ADGRG7: variants seen among roughly 807,000 people sequenced by gnomAD.
The protein encoded by ADGRG7 is adhesion G protein-coupled receptor G7, also known as G-protein coupled receptor 128.
Under a neutral mutation model 88.6 loss-of-function variants are expected in ADGRG7, and 82 were observed. The ratio of observed to expected loss-of-function variants is 0.93; its 90% confidence interval spans 0.77 to 1.11. The LOEUF is 1.11. ADGRG7 is among the 50% of genes most tolerant of loss of function. The probability of loss-of-function intolerance (pLI) is 0.00; values close to 1 mark genes in which losing one functional copy is unlikely to be tolerated. For synonymous variants in ADGRG7, 381 were observed against 345.2 expected, an observed-to-expected ratio of 1.10 and a Z score of -1.15; for missense variants, 945 against 953.4, an observed-to-expected ratio of 0.99 and a Z score of 0.12.
intron 1 of ADGRG7, among the ~76,000 whole-genome samples, chr3:100,625,793 G>T (rs779703781): frequency 6.6e-6 from 1 of 152,162 alleles, no homozygotes; most frequent in Non-Finnish European, 1.5e-5. Context: ...TGATCATGTG[G>T]TTTTTGTCAT....
intron 6 of ADGRG7, 76 bp downstream of exon 6, chr3:100,637,478 A>G (rs773549691): frequency 3.1e-6 from 3 of 962,298 alleles, no homozygotes; most frequent in Non-Finnish European, 3.3e-6. Flanking sequence ...ATTAACAGAG[A>G]TATCTTTATT....
intron 1 of ADGRG7, among the ~76,000 whole-genome samples, chr3:100,625,962 A>C (rs529956239): frequency 2.6e-4 from 40 of 152,260 alleles, no homozygotes; most frequent in Non-Finnish European, 5.0e-4. Flanking sequence ...ATCAGCCTGA[A>C]GTTTTCTTTT....
chr3:100,689,891 CT>C (rs1278998775), intron 15 of ADGRG7, among the ~76,000 whole-genome samples: 2 of 152,086 alleles, frequency 1.3e-5, no homozygotes, highest in Admixed American at 1.3e-4. Context: ...TTGTGGCGTT[CT>C]CTGTATTTCC....
intron 15 of ADGRG7, among the ~76,000 whole-genome samples, chr3:100,678,953 C>A (rs2094969236): frequency 6.6e-6 from 1 of 152,186 alleles, no homozygotes; most frequent in African/African-American, 2.4e-5. Flanking sequence ...GTGGTGACCA[C>A]TGTGTGGCTA....
intron 15 of ADGRG7, 33 bp downstream of exon 15, chr3:100,669,138 C>T (rs1199158413): frequency 2.7e-6 from 4 of 1,458,226 alleles, no homozygotes; most frequent in African/African-American, 1.4e-5. Context: ...AGTAGCAGAA[C>T]ACGCAGTGGT....
At chr3:100,692,055 C>T (rs904319345) in intron 15 of ADGRG7, among the ~76,000 whole-genome samples, 5 of 152,166 alleles carry the variant, frequency 3.3e-5, no homozygotes, top group East Asian at 1.9e-4. Flanking sequence ...GTCATGTTGG[C>T]TGTTTCTGGC....
intron 15 of ADGRG7, among the ~76,000 whole-genome samples, chr3:100,678,207 G>A (rs560539348): frequency 6.6e-6 from 1 of 151,984 alleles, no homozygotes; most frequent in African/African-American, 2.4e-5. Context: ...ATTCTGTTAA[G>A]AGACTCTGAT....
chr3:100,650,287 T>C (rs1360583640), intron 11 of ADGRG7, among the ~76,000 whole-genome samples: 1 of 152,202 alleles, frequency 6.6e-6, no homozygotes, highest in Non-Finnish European at 1.5e-5. Flanking sequence ...TAATGACCTA[T>C]AAACAAATAC....
At position 100,659,571 on chromosome 3, in the gene ADGRG7, G is replaced by T. The variant is rs182024609; in HGVS notation, c.1824-117G>T. Reference sequence around the variant, plus strand: ...CATCTCAAATGTGTAAAATGCAGAGGGATGTTAACTTTTAGCAGATCTTTC... The same window carrying T: ...CATCTCAAATGTGTAAAATGCAGAGTGATGTTAACTTTTAGCAGATCTTTC... On this transcript the variant is annotated intron_variant, in intron 13 of 15. Coordinates refer to ENST00000273352, the MANE Select transcript of ADGRG7 (RefSeq NM_032787.3). 73 of 799,080 alleles carry T rather than the reference G, an allele frequency of 9.1e-5. No homozygotes were observed. In the African/African-American group the frequency reaches 1.3e-3, roughly 14 times the overall value. 49.5% of individuals were successfully genotyped at this position (799,080 alleles called of 1,614,324 possible).
At position 100,640,285 on chromosome 3, in the gene ADGRG7, C is replaced by A. The variant is rs115780803; in HGVS notation, c.698+2883C>A. 2.9e-3 allele frequency among the ~76,000 whole-genome samples: 435 copies of A among 152,352 alleles called. 1 individual carries two copies. The highest frequency in any genetic ancestry group is 9.6e-3 in the African/African-American group (400 of 41,594). ...TGACAGACATCAGGCCTTAGTCACC[C>A]ATTTCACTTTGACTTCTTCCTTCTT... On this transcript the variant is annotated intron_variant, in intron 6 of 15. Coordinates refer to ENST00000273352, the MANE Select transcript of ADGRG7 (RefSeq NM_032787.3).
In ADGRG7 at chr3:100,659,726, A is replaced by G; in HGVS notation, c.1862A>G (p.Lys621Arg). The change falls in exon 14 of 16, where the codon AAA (lysine) becomes AGA (arginine). Residue 621 changes from lysine (K) to arginine (R), a missense_variant. By Grantham distance (26) the Lys-to-Arg change is conservative. Transcript: ENST00000273352. ...LAIPEPNGVIKSPLLWSFIVP... is the reference protein window; with the variant it reads ...LAIPEPNGVIRSPLLWSFIVP... ...ATTCCAGAACCCAATGGTGTTATAA[A>G]AAGTCCGCTGTTGTGGTCATTCATC... 9 of 1,614,132 alleles carry G rather than the reference A, an allele frequency of 5.6e-6. No homozygotes were observed. Among genetic ancestry groups the G allele is most frequent in the Non-Finnish European group, 7.6e-6 (9 of 1,180,020 alleles).
chr3:100,624,484 T>C (rs1707356885), intron 1 of ADGRG7, among the ~76,000 whole-genome samples: 1 of 152,216 alleles, frequency 6.6e-6, no homozygotes, highest in Non-Finnish European at 1.5e-5. Context: ...ATTCTGTAGG[T>C]TGCCTGTTCA....
chr3:100,654,155 T>C (rs1211210521), intron 11 of ADGRG7: 1 of 152,190 alleles, frequency 6.6e-6, no homozygotes, highest in Non-Finnish European at 1.5e-5. Flanking sequence ...GTTCTCCCAG[T>C]GCGCGGGTCA....
In ADGRG7 at chr3:100,643,587, C is replaced by G. The variant is rs201405791; in HGVS notation, c.900C>G (p.Asn300Lys). Residue 300 changes from asparagine to lysine, a missense_variant, in exon 8 of 16, where the codon AAC (asparagine) becomes AAG (lysine). By Grantham distance (94) the Asn-to-Lys change is moderately conservative. Transcript: ENST00000273352. ...TFIHTNVDGLNPDAQTELQVL... is the reference protein window; with the variant it reads ...TFIHTNVDGLKPDAQTELQVL... ...TACATACAAATGTGGATGGCCTTAA[C>G]CCAGATGCACAGACTGAGCTTCAGG... 9.1e-5 allele frequency: 147 copies of G among 1,613,756 alleles called. No individual in the cohort carries two copies. The highest frequency in any genetic ancestry group is 1.1e-4 in the Non-Finnish European group (128 of 1,179,850).
intron 15 of ADGRG7, among the ~76,000 whole-genome samples, chr3:100,684,257 CTATT>C (rs61090159): frequency 6.9e-6 from 1 of 145,272 alleles, no homozygotes; most frequent in Non-Finnish European, 1.5e-5. Flanking sequence ...TCCATTTTAT[CTATT>C]TATTTATTTA....
chr3:100,670,472 G>A (rs771033025), intron 15 of ADGRG7, among the ~76,000 whole-genome samples: 1 of 152,236 alleles, frequency 6.6e-6, no homozygotes, highest in Non-Finnish European at 1.5e-5. Context: ...TGAAAAACAC[G>A]GGAGTGCAGA....
chr3:100,677,328 T>C (rs1417858985), intron 15 of ADGRG7, among the ~76,000 whole-genome samples: 1 of 152,136 alleles, frequency 6.6e-6, no homozygotes, highest in East Asian at 1.9e-4. Context: ...ACTGATTGCA[T>C]AAACTAACAA....
chr3:100,610,622 A>T (rs768971735), intron 1 of ADGRG7, among the ~76,000 whole-genome samples: 1 of 152,160 alleles, frequency 6.6e-6, no homozygotes, highest in Non-Finnish European at 1.5e-5. Context: ...GTAGTGAGTA[A>T]AACAATGATG....
chr3:100,669,749 G>A (rs540567726), intron 15 of ADGRG7, among the ~76,000 whole-genome samples: 1 of 150,864 alleles, frequency 6.6e-6, no homozygotes, highest in Non-Finnish European at 1.5e-5. Flanking sequence ...AATTATTATT[G>A]ACTGGCCGGG....
Sources: gnomAD v4.1 joint callset for allele counts (sites outside exome capture counted in the v4.1 genomes callset) on GRCh38, gnomAD v4.1.1 for gene constraint, MANE v1.5 for transcripts, NCBI Gene and HGNC (gene_info 2026-07-23, HGNC 2026-07-21) for gene names.